Variants in METTL15 observed in about 807,000 individuals in gnomAD.
METTL15 encodes the protein 12S rRNA N(4)-cytidine methyltransferase METTL15.
A neutral mutation model predicts 38.3 loss-of-function variants in METTL15; 34 were observed. The observed-to-expected ratio is 0.89, with a 90% CI of 0.68 to 1.18. The LOEUF (loss-of-function observed/expected upper bound fraction) is 1.18, where lower values mean the gene tolerates loss of function less well. METTL15 is among the 50% of genes most tolerant of loss of function. The probability of loss-of-function intolerance (pLI) is 0.00; values close to 1 mark genes in which losing one functional copy is unlikely to be tolerated. For synonymous variants in METTL15, 162 were observed against 170.9 expected (o/e 0.95, Z 0.41); for missense variants, 438 against 498.4 (o/e 0.88, Z 1.15).
intron 3 of METTL15, among the ~76,000 whole-genome samples, chr11:28,161,247 C>T (rs1590839790): frequency 6.6e-6 from 1 of 151,804 alleles, no homozygotes; most frequent in South Asian, 2.1e-4. Flanking sequence ...CTCAGCCTCC[C>T]AAGTAGCTGG....
chr11:28,477,064 C>T (rs997405985), intron 6 of METTL15, among the ~76,000 whole-genome samples: 13 of 152,268 alleles, frequency 8.5e-5, no homozygotes, highest in East Asian at 3.9e-4. Context: ...TGCTTAGCCA[C>T]GTTAATGGGA....
chr11:28,381,375 TCTGA>T (rs1479473041), intron 5 of METTL15, among the ~76,000 whole-genome samples: 1 of 152,170 alleles, frequency 6.6e-6, no homozygotes, highest in African/African-American at 2.4e-5. Flanking sequence ...TTTGGTGTTC[TCTGA>T]CTTTCTGGAT....
intron 5 of METTL15, among the ~76,000 whole-genome samples, chr11:28,374,318 G>A (rs1850281205): frequency 6.6e-6 from 1 of 152,078 alleles, no homozygotes; most frequent in Non-Finnish European, 1.5e-5. Flanking sequence ...TCTTCCATTT[G>A]TTTGTATCCT....
At chr11:28,234,206 G>T (rs1853827323) in intron 4 of METTL15, among the ~76,000 whole-genome samples, 1 of 152,032 alleles carries the variant, frequency 6.6e-6, no homozygotes, top group South Asian at 2.1e-4. Flanking sequence ...CTCTATCATT[G>T]TTGGACATTT....
downstream of METTL15, among the ~76,000 whole-genome samples, chr11:28,528,249 A>G (rs1851825072): frequency 6.6e-6 from 1 of 152,114 alleles, no homozygotes; most frequent in South Asian, 2.1e-4. Context: ...TTTATTTTTG[A>G]AGGCTTCTGA....
intron 6 of METTL15, among the ~76,000 whole-genome samples, chr11:28,452,141 A>G (rs1851128375): frequency 6.6e-6 from 1 of 152,224 alleles, no homozygotes; most frequent in Non-Finnish European, 1.5e-5. Context: ...TCCAAAGTCA[A>G]GAGGAGAGAA....
chr11:28,162,413 T>C (rs1850498922), intron 3 of METTL15, among the ~76,000 whole-genome samples: 1 of 152,188 alleles, frequency 6.6e-6, no homozygotes, highest in South Asian at 2.1e-4. Flanking sequence ...AACTTTTTGG[T>C]AAATGGTTAT....
intron 6 of METTL15, among the ~76,000 whole-genome samples, chr11:28,327,042 A>G (rs1166628287): frequency 2.0e-5 from 3 of 152,166 alleles, no homozygotes; most frequent in African/African-American, 4.8e-5. Context: ...AGGTACCAGT[A>G]TAAAGGAAGG....
intron 6 of METTL15, among the ~76,000 whole-genome samples, chr11:28,491,014 C>T (rs1851489972): frequency 1.3e-5 from 2 of 152,220 alleles, no homozygotes; most frequent in Non-Finnish European, 2.9e-5. Flanking sequence ...TGAGTTATTG[C>T]TCAATATTAT....
chr11:28,287,111 A>G (rs145932276), intron 4 of METTL15: 2,384 of 156,744 alleles, frequency 0.015, 39 homozygotes, highest in Middle Eastern at 0.031. Flanking sequence ...CTATATATAT[A>G]ACCCATATAT....
intron 5 of METTL15, among the ~76,000 whole-genome samples, chr11:28,377,476 C>T (rs1230627140): frequency 6.6e-6 from 1 of 152,144 alleles, no homozygotes; most frequent in Non-Finnish European, 1.5e-5. Context: ...CTGTGTTGTT[C>T]ACGTAGTTCT....
chr11:28,462,479 TACACACACACACACAC>T lies in METTL15; in HGVS notation c.*424+38141_*424+38156del, dbSNP rs10573384. On this transcript the variant is annotated intron_variant and NMD_transcript_variant, in intron 6 of 7. Transcript: ENST00000532947. The stretch of plus-strand genomic sequence containing the variant: ...ACACACATCTGCAAGCATACACGCT[TACACACACACACACAC>T]ACACACACACACACACACACACACA... 2.0e-3 allele frequency among the ~76,000 whole-genome samples: 289 copies of T among 146,156 alleles called. 1 individual carries two copies. The highest frequency in any genetic ancestry group is 3.7e-3 in the Admixed American group (54 of 14,658).
intron 4 of METTL15, among the ~76,000 whole-genome samples, chr11:28,259,005 G>T (rs995477186): frequency 3.9e-5 from 6 of 152,134 alleles, no homozygotes; most frequent in Non-Finnish European, 7.3e-5. Flanking sequence ...AAGCCAGCAA[G>T]TCTCACAGTT....
At chr11:28,178,029 A>G (rs1851140713) in intron 3 of METTL15, among the ~76,000 whole-genome samples, 1 of 151,966 alleles carries the variant, frequency 6.6e-6, no homozygotes, top group Admixed American at 6.6e-5. Context: ...AAGAAAGAAT[A>G]TTTAACCCAA....
chr11:28,173,091 AAAAG>A (rs1554990222), intron 3 of METTL15, among the ~76,000 whole-genome samples: 1 of 152,178 alleles, frequency 6.6e-6, no homozygotes, highest in Non-Finnish European at 1.5e-5. Flanking sequence ...ATTTTTTAAA[AAAAG>A]AGACAAAATT....
intron 4 of METTL15, among the ~76,000 whole-genome samples, chr11:28,284,304 A>G (rs1323271020): frequency 6.6e-6 from 1 of 152,206 alleles, no homozygotes; most frequent in African/African-American, 2.4e-5. Flanking sequence ...ATGAAACTAT[A>G]TGAATATTTT....
intron 6 of METTL15, among the ~76,000 whole-genome samples, chr11:28,431,819 A>G (rs1214773551): frequency 8.1e-5 from 12 of 147,594 alleles, no homozygotes; most frequent in Non-Finnish European, 1.6e-4. Flanking sequence ...AAAAAAAAAA[A>G]AAAAGAAGAG....
chr11:28,418,859 G>C (rs1223632751), intron 5 of METTL15, among the ~76,000 whole-genome samples: 1 of 152,158 alleles, frequency 6.6e-6, no homozygotes, highest in Non-Finnish European at 1.5e-5. Flanking sequence ...CTTATGGAAA[G>C]AACATTTCGA....
chr11:28,422,703 GA>G (rs963110019), intron 5 of METTL15, among the ~76,000 whole-genome samples: 1 of 151,912 alleles, frequency 6.6e-6, no homozygotes, highest in Non-Finnish European at 1.5e-5. Flanking sequence ...AATCAAAAGG[GA>G]TTAAAAACTT....
Sources: gnomAD v4.1 joint callset for allele counts (sites outside exome capture counted in the v4.1 genomes callset) on GRCh38, gnomAD v4.1.1 for gene constraint, MANE v1.5 for transcripts, NCBI Gene and HGNC (gene_info 2026-07-23, HGNC 2026-07-21) for gene names.